Variants in ZNF503 observed in about 807,000 individuals in gnomAD.
ZNF503 encodes the protein NocA-like zinc finger 2.
ZNF503 carries 15 observed loss-of-function variants against 34.4 expected under a neutral mutation model. The observed-to-expected ratio is 0.44, with a 90% CI of 0.29 to 0.67. ZNF503 has a LOEUF of 0.67. Among genes scored for constraint, ZNF503 ranks in the 30% least tolerant of loss-of-function variants. The probability of loss-of-function intolerance (pLI) is 0.13; values close to 1 mark genes in which losing one functional copy is unlikely to be tolerated. For synonymous variants in ZNF503, 580 were observed against 456.8 expected, an observed-to-expected ratio of 1.27 and a Z score of -3.44; for missense variants, 1,007 against 926.8, an observed-to-expected ratio of 1.09 and a Z score of -1.12.
At chr10:75,384,630 A>G in the ZNF503 span, among the ~76,000 whole-genome samples, 1 of 152,090 alleles carries the variant, frequency 6.6e-6, no homozygotes, top group Non-Finnish European at 1.5e-5. Flanking sequence ...TAGCAGGGAC[A>G]CAGCCCTGTA....
the ZNF503 span, among the ~76,000 whole-genome samples, chr10:75,346,905 G>C: frequency 2.6e-5 from 4 of 151,950 alleles, no homozygotes; most frequent in South Asian, 8.3e-4. Flanking sequence ...GCCTCCCAAA[G>C]TGTTGGGATT....
At chr10:75,301,486 C>A in the ZNF503 span, among the ~76,000 whole-genome samples, 1 of 152,178 alleles carries the variant, frequency 6.6e-6, no homozygotes, top group Non-Finnish European at 1.5e-5. Context: ...GGCAATCCAC[C>A]CACCTTGGCC....
the ZNF503 span, among the ~76,000 whole-genome samples, chr10:75,345,618 G>C: frequency 7.7e-6 from 1 of 129,150 alleles, no homozygotes; most frequent in African/African-American, 3.0e-5. Flanking sequence ...CTGGGTGACA[G>C]AGCGAGACTC....
chr10:75,304,694 T>C, the ZNF503 span, among the ~76,000 whole-genome samples: 2 of 152,196 alleles, frequency 1.3e-5, no homozygotes, highest in Non-Finnish European at 2.9e-5. Flanking sequence ...GTTAACTAGA[T>C]AAATGTTTTA....
the ZNF503 span, among the ~76,000 whole-genome samples, chr10:75,310,951 A>T: frequency 6.6e-6 from 1 of 152,272 alleles, no homozygotes; most frequent in African/African-American, 2.4e-5. Context: ...GTATTCTCAA[A>T]AACTAGGAAG....
chr10:75,313,926 G>A, the ZNF503 span, among the ~76,000 whole-genome samples: 1 of 152,194 alleles, frequency 6.6e-6, no homozygotes, highest in Non-Finnish European at 1.5e-5. Flanking sequence ...AAGAGATGTG[G>A]AGGAAACACA....
rs1843725285 is a variant in ZNF503 at position 75,398,174 on chromosome 10, G to A, written c.*575C>T. The A allele has an allele frequency of 6.6e-6, 1 of 152,256 alleles. No individual in the cohort carries two copies. The highest frequency in any genetic ancestry group is 2.4e-5 in the African/African-American group (1 of 41,298). The allele number at this position is 152,256 out of a possible 1,614,324, so 9.4% of individuals were successfully genotyped here. A position where few individuals can be genotyped will look rare whatever the true frequency, so the allele number is the denominator to read the frequency against. On this transcript the variant is annotated 3_prime_UTR_variant, in exon 2 of 2. Coordinates refer to ENST00000372524, the MANE Select transcript of ZNF503 (RefSeq NM_032772.6). ...CATTTTTTTTGTAACAAACATGCAT[G>A]TAAATTTGTGTTTCAATCAGACATT...
rs1173071685 is a variant in ZNF503, at chr10:75,397,953, A to G, written c.*796T>C. The G allele has an allele frequency of 1.3e-5, 2 of 152,648 alleles. No homozygotes were observed. The highest frequency in any genetic ancestry group is 2.9e-5 in the Non-Finnish European group (2 of 68,036). 9.5% of individuals were successfully genotyped at this position (152,648 alleles called of 1,614,324 possible). A position where few individuals can be genotyped will look rare whatever the true frequency, so the allele number is the denominator to read the frequency against. ...TTCTCAGCGGGTGGACTTAAAAATT[A>G]AAAATAGTTAAGTGTTCCTTTTAAA... On this transcript the variant is annotated 3_prime_UTR_variant, in exon 2 of 2. Transcript: ENST00000372524.
At chr10:75,300,711 T>TC in the ZNF503 span, among the ~76,000 whole-genome samples, 23 of 140,976 alleles carry the variant, frequency 1.6e-4, no homozygotes, top group Admixed American at 6.2e-4. Flanking sequence ...TTTCTTTTTT[T>TC]TTTTTTTTTT....
At position 75,399,276 on chromosome 10, in the gene ZNF503, T is replaced by G. The variant is rs1353171015; in HGVS notation, c.1414A>C (p.Thr472Pro). 7 of 1,600,468 alleles carry G rather than the reference T, an allele frequency of 4.4e-6. No individual in the cohort carries two copies. The highest frequency in any genetic ancestry group is 6.0e-6 in the Non-Finnish European group (7 of 1,174,274). ...LKSGYPLVYP[T>P]HPLHGVHSSL... The stretch of plus-strand genomic sequence containing the variant: ...GAGTGCACACCGTGCAGCGGGTGCG[T>G]GGGGTACACCAGCGGGTATCCGGAC... The change falls in exon 2 of 2, where the codon ACG becomes CCG. Residue 472 changes from threonine to proline, a missense_variant. By Grantham distance (38) the Thr-to-Pro change is conservative. Transcript: ENST00000372524.
At chr10:75,385,883 T>C in the ZNF503 span, among the ~76,000 whole-genome samples, 1 of 152,156 alleles carries the variant, frequency 6.6e-6, no homozygotes, top group Non-Finnish European at 1.5e-5. Context: ...TCTCCTTGGG[T>C]ACACATCACT....
chr10:75,389,575 C>CA, the ZNF503 span, among the ~76,000 whole-genome samples: 4 of 152,078 alleles, frequency 2.6e-5, no homozygotes, highest in Admixed American at 2.6e-4. Flanking sequence ...ACTAAAAATA[C>CA]AAAAAATAGC....
the ZNF503 span, among the ~76,000 whole-genome samples, chr10:75,362,520 G>C: frequency 6.6e-6 from 1 of 152,066 alleles, no homozygotes; most frequent in Non-Finnish European, 1.5e-5. Flanking sequence ...TTCCCAAGCA[G>C]ACCCTATCAG....
In ZNF503 at chr10:75,398,420, A is replaced by G. The variant is rs1836116995; in HGVS notation, c.*329T>C. ...AACCACCGGTCCGCTTGGAGCTAAC[A>G]TAAATAAATACCAGTGTCCACCGAT... On this transcript the variant is annotated 3_prime_UTR_variant, in exon 2 of 2. Transcript: ENST00000372524. The G allele has an allele frequency of 4.4e-6, 1 of 226,316 alleles. No homozygotes were observed. The highest frequency in any genetic ancestry group is 5.8e-5 in the Admixed American group (1 of 17,258). The allele number at this position is 226,316 out of a possible 1,614,324, so 14.0% of individuals were successfully genotyped here. A position where few individuals can be genotyped will look rare whatever the true frequency, so the allele number is the denominator to read the frequency against.
the ZNF503 span, among the ~76,000 whole-genome samples, chr10:75,328,609 G>A: frequency 6.6e-6 from 1 of 151,596 alleles, no homozygotes; most frequent in East Asian, 1.9e-4. Context: ...ACAAGTTTTA[G>A]GATTTTTTTT....
the ZNF503 span, among the ~76,000 whole-genome samples, chr10:75,370,059 AAAATAAAT>A: frequency 6.5e-4 from 93 of 142,778 alleles, no homozygotes; most frequent in South Asian, 1.6e-3. Flanking sequence ...ACTACATGTC[AAAATAAAT>A]AAATAAATAA....
chr10:75,371,828 C>A, the ZNF503 span, among the ~76,000 whole-genome samples: 1 of 152,320 alleles, frequency 6.6e-6, no homozygotes, highest in East Asian at 1.9e-4. Flanking sequence ...TTCCCCCTGG[C>A]TTTCAAGGCT....
At chr10:75,395,918 G>C (rs1324222312), downstream of ZNF503, among the ~76,000 whole-genome samples, 2 of 152,230 alleles carry the variant, frequency 1.3e-5, no homozygotes, top group Non-Finnish European at 2.9e-5. This position sits in a 1 kb window ranked among gnomAD's most constrained non-coding sequence, Gnocchi z 4.4. Flanking sequence ...ATCCCAGGGC[G>C]GGGGAATGTC....
At chr10:75,307,863 G>A in the ZNF503 span, among the ~76,000 whole-genome samples, 1 of 152,176 alleles carries the variant, frequency 6.6e-6, no homozygotes, top group Non-Finnish European at 1.5e-5. Flanking sequence ...AGGATCACTT[G>A]AGGTCAGGAG....
Sources: allele counts gnomAD v4.1 joint callset (sites outside exome capture counted in the v4.1 genomes callset), GRCh38; gene constraint gnomAD v4.1.1; non-coding constraint Gnocchi (gnomAD v3.1); transcripts MANE v1.5; gene names NCBI Gene and HGNC (gene_info 2026-07-23, HGNC 2026-07-21).